The following ERH variants were observed in gnomAD, a reference collection of about 807,000 sequenced individuals.
The protein encoded by ERH is ERH mRNA splicing and mitosis factor, also known as enhancer of rudimentary homolog.
A neutral mutation model predicts 16.8 loss-of-function variants in ERH; 1 was observed. The ratio of observed to expected loss-of-function variants is 0.06; its 90% CI spans 0.02 to 0.28. The LOEUF is 0.28. Among genes scored for constraint, ERH ranks in the 10% least tolerant of loss-of-function variants. The pLI is 1.00. For synonymous variants in ERH, 43 were observed against 43.6 expected (o/e 0.99, Z 0.05); for missense variants, 42 against 127.5 (o/e 0.33, Z 3.23).
chr14:69,380,393 C>A lies in ERH; in HGVS notation c.*145G>T. ...CGGGGGTTTCCGATTGAACAAGATCCTCACATTTCATCTAATACAGTCAAT... is the reference window on the plus strand; with the variant it reads ...CGGGGGTTTCCGATTGAACAAGATCATCACATTTCATCTAATACAGTCAAT... On this transcript the variant is annotated 3_prime_UTR_variant, in exon 4 of 4. Coordinates refer to ENST00000557016, the MANE Select transcript of ERH (RefSeq NM_004450.3). 1 of 468,962 alleles carries A rather than the reference C, an allele frequency of 2.1e-6. No homozygotes were observed. The highest frequency in any genetic ancestry group is 6.1e-5 in the South Asian group (1 of 16,502). 29.1% of individuals were successfully genotyped at this position (468,962 alleles called of 1,614,324 possible).
chr14:69,392,032 G>A (rs1882225073), intron 2 of ERH, among the ~76,000 whole-genome samples: 1 of 151,896 alleles, frequency 6.6e-6, no homozygotes, highest in Non-Finnish European at 1.5e-5. Flanking sequence ...CACTAATAGG[G>A]GAAACTAAGA....
intron 3 of ERH, 144 bp downstream of exon 3, chr14:69,386,819 A>G: frequency 1.6e-6 from 1 of 642,066 alleles, no homozygotes; most frequent in Non-Finnish European, 2.4e-6. Flanking sequence ...TTATTTCTGT[A>G]AGAGAAATAT....
At chr14:69,389,695 G>T (rs968143236) in intron 2 of ERH, among the ~76,000 whole-genome samples, 2 of 152,118 alleles carry the variant, frequency 1.3e-5, no homozygotes, top group African/African-American at 2.4e-5. Context: ...GCGTAAAAAA[G>T]AATAAAATTC....
chr14:69,387,695 C>CAAAAAAAAAAAA (rs57516317), intron 2 of ERH, among the ~76,000 whole-genome samples: 12 of 113,376 alleles, frequency 1.1e-4, no homozygotes, highest in East Asian at 4.8e-4. Context: ...AGCCACAGAG[C>CAAAAAAAAAAAA]AAAAAAAAAA....
intron 1 of ERH, 26 bp downstream of exon 1, chr14:69,398,205 C>T (rs892414880): frequency 5.6e-6 from 9 of 1,613,924 alleles, no homozygotes; most frequent in East Asian, 2.2e-5. Flanking sequence ...GACTCGGACT[C>T]GGGTAGCCGC....
intron 3 of ERH, 171 bp downstream of exon 3, chr14:69,386,792 T>C (rs1256473023): frequency 5.5e-6 from 3 of 545,776 alleles, no homozygotes; most frequent in Non-Finnish European, 9.0e-6. Flanking sequence ...TGCCTTTGGC[T>C]TTATGTTGCC....
At chr14:69,397,940 C>T in intron 1 of ERH, 1 of 573,974 alleles carries the variant, frequency 1.7e-6, no homozygotes, top group Middle Eastern at 4.6e-4. Flanking sequence ...ACACCTCCCC[C>T]ACGTCTCCCT....
chr14:69,391,655 A>C (rs1363618148), intron 2 of ERH, among the ~76,000 whole-genome samples: 1 of 65,818 alleles, frequency 1.5e-5, no homozygotes, highest in Admixed American at 1.3e-4. Flanking sequence ...CTCGCACGCC[A>C]AAAAAAAAAA....
intron 1 of ERH, among the ~76,000 whole-genome samples, chr14:69,397,462 A>T (rs962726160): frequency 1.3e-5 from 2 of 152,236 alleles, no homozygotes; most frequent in East Asian, 3.9e-4. Context: ...GAAAAAAAAA[A>T]AAAAGGCAGA....
intron 1 of ERH, among the ~76,000 whole-genome samples, chr14:69,397,390 TA>T: frequency 6.9e-6 from 1 of 145,434 alleles, no homozygotes; most frequent in Admixed American, 7.0e-5. Flanking sequence ...TAAATACAGA[TA>T]AGTACAGGAT....
At chr14:69,390,199 A>C (rs2045916090) in intron 2 of ERH, among the ~76,000 whole-genome samples, 1 of 152,050 alleles carries the variant, frequency 6.6e-6, no homozygotes, top group South Asian at 2.1e-4. Context: ...TTTTTGCAGA[A>C]ACCAACAAGC....
rs187406385 is a variant in ERH, at chr14:69,389,323, G to A, written c.92-2240C>T. Among the ~76,000 whole-genome samples, 523 of 152,230 alleles carry A rather than the reference G, an allele frequency of 3.4e-3. 4 individuals are homozygous for A. Among genetic ancestry groups the A allele is most frequent in the African/African-American group, 0.012 (503 of 41,532 alleles). ...ATTACAGGCATAAGCCACCATGCCCGGCCTCCATTATACTTAATGGTTAAA... is the reference window on the plus strand; with the variant it reads ...ATTACAGGCATAAGCCACCATGCCCAGCCTCCATTATACTTAATGGTTAAA... On this transcript the variant is annotated intron_variant, in intron 2 of 3. Coordinates refer to ENST00000557016, the MANE Select transcript of ERH (RefSeq NM_004450.3).
At position 69,389,852 on chromosome 14, in the gene ERH, G is replaced by C. The variant is rs567270549; in HGVS notation, c.92-2769C>G. The stretch of plus-strand genomic sequence containing the variant: ...AGTGGCCCAATTGCAGCTCACTGCA[G>C]CCTTGACCTCTTAAGTTCAAGTGAT... On this transcript the variant is annotated intron_variant, in intron 2 of 3. Transcript: ENST00000557016. 5.8e-4 allele frequency among the ~76,000 whole-genome samples: 88 copies of C among 152,202 alleles called. 1 individual carries two copies. Among genetic ancestry groups the C allele is most frequent in the African/African-American group, 2.1e-3 (87 of 41,522 alleles).
chr14:69,381,307 G>A (rs1158996951), intron 3 of ERH, among the ~76,000 whole-genome samples: 1 of 152,154 alleles, frequency 6.6e-6, no homozygotes, highest in Non-Finnish European at 1.5e-5. Context: ...CTTTAGATTT[G>A]CAATGTTTAT....
At chr14:69,395,026 TAG>T in intron 1 of ERH, 114 bp from the exon 2 acceptor site, 1 of 752,274 alleles carries the variant, frequency 1.3e-6, no homozygotes, top group Non-Finnish European at 2.2e-6. Context: ...AAAATGTAAT[TAG>T]AGAGGCCAGG....
In ERH at chr14:69,380,547, A is replaced by G. The variant is rs1340462365; in HGVS notation, c.306T>C (p.Ala102=). Residue 102 remains alanine (A), a synonymous_variant, in exon 4 of 4, where the codon GCT becomes GCC. Transcript: ENST00000557016. The part of the protein sequence containing the change: ...YVLLRRQAQQ[A]GK ...AGTGCTTCCAACACAATTATTTCCC[A>G]GCCTGTTGGGCCTGCCGACGAAGGA... 1 of 1,497,552 alleles carries G rather than the reference A, an allele frequency of 6.7e-7. No individual in the cohort carries two copies. Among genetic ancestry groups the G allele is most frequent in the South Asian group, 1.1e-5 (1 of 87,648 alleles). 92.8% of individuals were successfully genotyped at this position (1,497,552 alleles called of 1,614,324 possible). A position where few individuals can be genotyped will look rare whatever the true frequency, so the allele number is the denominator to read the frequency against.
chr14:69,394,793 T>A lies in ERH; in HGVS notation c.91+32A>T, dbSNP rs573876054. On this transcript the variant is annotated intron_variant, in intron 2 of 3. Coordinates refer to ENST00000557016, the MANE Select transcript of ERH (RefSeq NM_004450.3). ...AAAAACCCAGTTCCTAAATGAGACA[T>A]TTTTCTACCCCTTGATTAGTGTTAA... 3.3e-6 allele frequency: 5 copies of A among 1,535,192 alleles called. No homozygotes were observed. The Admixed American group carries it at 9.3e-5, about 29-fold the overall frequency.
chr14:69,390,763 C>G (rs542893338), intron 2 of ERH, among the ~76,000 whole-genome samples: 39 of 152,282 alleles, frequency 2.6e-4, no homozygotes, highest in African/African-American at 8.4e-4. Context: ...CTTTATAAAA[C>G]ATCTATCTGA....
chr14:69,389,554 A>C (rs917095136), intron 2 of ERH, among the ~76,000 whole-genome samples: 2 of 152,234 alleles, frequency 1.3e-5, no homozygotes, highest in Non-Finnish European at 2.9e-5. Context: ...GGAAACAATA[A>C]AAATCTATTA....
Sources: gnomAD v4.1 joint callset for allele counts (sites outside exome capture counted in the v4.1 genomes callset) on GRCh38, gnomAD v4.1.1 for gene constraint, MANE v1.5 for transcripts, NCBI Gene and HGNC (gene_info 2026-07-23, HGNC 2026-07-21) for gene names.